The following MAP4K3 variants were observed in gnomAD, a reference collection of about 807,000 sequenced individuals.
The protein encoded by MAP4K3 is mitogen-activated protein kinase kinase kinase kinase 3.
Under a neutral mutation model 143.5 loss-of-function variants are expected in MAP4K3, and 94 were observed. The ratio of observed to expected loss-of-function variants is 0.65; its 90% CI spans 0.55 to 0.78. The LOEUF is 0.78. Ranked by LOEUF, MAP4K3 falls within the 30% of genes least tolerant of loss-of-function variation. The pLI, the probability that MAP4K3 is intolerant of heterozygous loss-of-function variation, is 0.00. For missense variants in MAP4K3, 1,077 were observed against 1,068.1 expected (o/e 1.01, Z -0.12); for synonymous variants, 416 against 347.2 (o/e 1.20, Z -2.20).
intron 2 of MAP4K3, among the ~76,000 whole-genome samples, chr2:39,370,739 C>T (rs558417647): frequency 6.6e-6 from 1 of 152,214 alleles, no homozygotes; most frequent in Admixed American, 6.5e-5. Flanking sequence ...AATGAGTTTC[C>T]CCATTTAGAA....
chr2:39,340,041 T>C (rs1234499204), intron 4 of MAP4K3, among the ~76,000 whole-genome samples: 1 of 152,122 alleles, frequency 6.6e-6, no homozygotes, highest in Non-Finnish European at 1.5e-5. Flanking sequence ...AATCCTATTA[T>C]GTTGGAACAA....
chr2:39,331,924 G>C lies in MAP4K3; in HGVS notation c.523C>G (p.Pro175Ala). 6.4e-7 allele frequency: 1 copy of C among 1,557,622 alleles called. No individual in the cohort carries two copies. Among genetic ancestry groups the C allele is most frequent in the Non-Finnish European group, 8.8e-7 (1 of 1,140,444 alleles). Residue 175 changes from proline (P) to alanine (A), a missense_variant, in exon 8 of 34, where the codon CCA becomes GCA. Transcript: ENST00000263881. ...IAKRKSFIGT[P>A]YWMAPEVAAV... ...CAATTAAAATACAATTACCAATATG[G>C]TGTGCCAATGAAAGACTTCCGTTTG... is the stretch of plus-strand genomic sequence containing the variant.
intron 31 of MAP4K3, among the ~76,000 whole-genome samples, chr2:39,255,811 C>A (rs1472692299): frequency 6.6e-6 from 1 of 152,208 alleles, no homozygotes; most frequent in Non-Finnish European, 1.5e-5. Flanking sequence ...CAGGCATGAG[C>A]CGCCGCGCCT....
At chr2:39,433,915 G>T (rs988742878) in intron 1 of MAP4K3, among the ~76,000 whole-genome samples, 4 of 152,116 alleles carry the variant, frequency 2.6e-5, no homozygotes, top group African/African-American at 9.7e-5. Context: ...AAAGAAGAAG[G>T]GCATATGATG....
intron 7 of MAP4K3, 29 bp downstream of exon 7, chr2:39,333,503 T>G: frequency 6.4e-7 from 1 of 1,558,358 alleles, no homozygotes; most frequent in Non-Finnish European, 8.8e-7. Flanking sequence ...AATAGATTTG[T>G]GCACGTGACA....
At chr2:39,376,721 C>T (rs1399070007) in intron 2 of MAP4K3, among the ~76,000 whole-genome samples, 1 of 152,110 alleles carries the variant, frequency 6.6e-6, no homozygotes, top group East Asian at 1.9e-4. Context: ...TCAAGCAAGG[C>T]TTCCTGAAAG....
intron 9 of MAP4K3, 28 bp downstream of exon 9, chr2:39,326,118 T>C: frequency 6.2e-7 from 1 of 1,601,940 alleles, no homozygotes; most frequent in South Asian, 1.1e-5. Flanking sequence ...ACCTTAAGCG[T>C]AAGATTCTTC....
chr2:39,258,264 A>C, intron 31 of MAP4K3, 84 bp downstream of exon 31: 3 of 933,712 alleles, frequency 3.2e-6, no homozygotes, highest in Non-Finnish European at 4.9e-6. Context: ...AATCTTAATA[A>C]TATCAATCTT....
chr2:39,433,684 G>A (rs1472663066), intron 1 of MAP4K3, among the ~76,000 whole-genome samples: 1 of 151,978 alleles, frequency 6.6e-6, no homozygotes, highest in Non-Finnish European at 1.5e-5. Context: ...AGCACTCCAT[G>A]GGCCTCCTGA....
At chr2:39,422,959 G>C (rs562622001) in intron 1 of MAP4K3, among the ~76,000 whole-genome samples, 1 of 152,158 alleles carries the variant, frequency 6.6e-6, no homozygotes, top group African/African-American at 2.4e-5. Flanking sequence ...CTTCTGCTCT[G>C]CAAAAGACAT....
Position 39,265,391 on chromosome 2 carries a change from C to G in MAP4K3, c.2033-85G>C, listed in dbSNP as rs965178283. The stretch of plus-strand genomic sequence containing the variant: ...TGCATGCTCAAAAAAACAAACAAAA[C>G]TAAACAAACTAAACATAAAACAAAA... On this transcript the variant is annotated intron_variant, in intron 27 of 33. Transcript: ENST00000263881. 11 of 835,204 alleles carry G rather than the reference C, an allele frequency of 1.3e-5. No individual in the cohort carries two copies. The Middle Eastern group carries it at 7.9e-4, about 60-fold the overall frequency. The allele number at this position is 835,204 out of a possible 1,614,324, so 51.7% of individuals were successfully genotyped here. A position where few individuals can be genotyped will look rare whatever the true frequency, so the allele number is the denominator to read the frequency against.
At chr2:39,419,386 C>A (rs1340521272) in intron 1 of MAP4K3, among the ~76,000 whole-genome samples, 3 of 151,878 alleles carry the variant, frequency 2.0e-5, no homozygotes, top group African/African-American at 7.3e-5. Context: ...TAAATTTCAC[C>A]TTTTTATATT....
chr2:39,312,401 C>T (rs1232880215), intron 13 of MAP4K3, among the ~76,000 whole-genome samples: 2 of 143,388 alleles, frequency 1.4e-5, no homozygotes, highest in African/African-American at 2.5e-5. Context: ...GTAAGAGCTT[C>T]AGCCAAAACC....
chr2:39,432,416 G>C (rs1169697387), intron 1 of MAP4K3, among the ~76,000 whole-genome samples: 8 of 152,152 alleles, frequency 5.3e-5, no homozygotes, highest in African/African-American at 1.9e-4. Flanking sequence ...CTGATGATGG[G>C]AAATTCTACC....
chr2:39,274,653 A>G (rs1013627800), intron 24 of MAP4K3, among the ~76,000 whole-genome samples: 1 of 152,222 alleles, frequency 6.6e-6, no homozygotes, highest in African/African-American at 2.4e-5. Flanking sequence ...TAAGAAGGGT[A>G]GCTTCTATAT....
At chr2:39,310,324 C>T (rs1366056603) in intron 13 of MAP4K3, among the ~76,000 whole-genome samples, 1 of 152,164 alleles carries the variant, frequency 6.6e-6, no homozygotes. Flanking sequence ...TTTTTAGCTA[C>T]CACATATGAA....
chr2:39,338,576 CTT>C (rs1665048239), intron 4 of MAP4K3, among the ~76,000 whole-genome samples: 1 of 152,190 alleles, frequency 6.6e-6, no homozygotes, highest in Admixed American at 6.5e-5. Context: ...GAAACCTACT[CTT>C]TTCACTTACG....
chr2:39,436,825 C>T, intron 1 of MAP4K3, 67 bp downstream of exon 1: 1 of 1,408,940 alleles, frequency 7.1e-7, no homozygotes, highest in African/African-American at 1.4e-5. Flanking sequence ...GGCAAGGGCT[C>T]GGACGCCCAG....
At chr2:39,259,049 G>C (rs527568496) in intron 29 of MAP4K3, among the ~76,000 whole-genome samples, 1 of 148,806 alleles carries the variant, frequency 6.7e-6, no homozygotes, top group East Asian at 2.0e-4. Context: ...CCGAAATGCT[G>C]TGGTGTGATC....
Sources: allele counts gnomAD v4.1 joint callset (sites outside exome capture counted in the v4.1 genomes callset), GRCh38; gene constraint gnomAD v4.1.1; transcripts MANE v1.5; gene names NCBI Gene and HGNC (gene_info 2026-07-23, HGNC 2026-07-21).